Variants in AKR1C8 observed in about 807,000 individuals in gnomAD.
AKR1C8 encodes aldo-keto reductase family 1 member C-like protein 1.
At chr10:5,143,647 T>A in the AKR1C8 span, among the ~76,000 whole-genome samples, 1 of 150,470 alleles carries the variant, frequency 6.6e-6, no homozygotes, top group African/African-American at 2.4e-5. Flanking sequence ...CACATATACA[T>A]GTATATATAA....
At chr10:5,120,422 C>T in the AKR1C8 span, among the ~76,000 whole-genome samples, 6 of 152,106 alleles carry the variant, frequency 3.9e-5, no homozygotes, top group African/African-American at 1.4e-4. Flanking sequence ...AAAGTGATTA[C>T]TGTTTGATTA....
chr10:5,173,620 G>A, the AKR1C8 span, among the ~76,000 whole-genome samples: 2 of 148,896 alleles, frequency 1.3e-5, no homozygotes, highest in Admixed American at 6.8e-5. Context: ...CTAGAAAACC[G>A]AAAAGCCAGA....
At chr10:5,135,558 C>T in the AKR1C8 span, among the ~76,000 whole-genome samples, 17 of 150,832 alleles carry the variant, frequency 1.1e-4, no homozygotes, top group Non-Finnish European at 2.5e-4. Flanking sequence ...ATCTATCTAT[C>T]ATCTATCATC....
chr10:5,125,482 A>T, the AKR1C8 span, among the ~76,000 whole-genome samples: 1 of 152,146 alleles, frequency 6.6e-6, no homozygotes, highest in Non-Finnish European at 1.5e-5. Flanking sequence ...GGGCAACATA[A>T]GGCAAGCTCA....
the AKR1C8 span, among the ~76,000 whole-genome samples, chr10:5,133,928 G>A: frequency 6.6e-6 from 1 of 152,078 alleles, no homozygotes; most frequent in Non-Finnish European, 1.5e-5. Flanking sequence ...TAAAAGATTA[G>A]TAAAGTATAT....
the AKR1C8 span, among the ~76,000 whole-genome samples, chr10:5,116,353 C>A: frequency 6.6e-6 from 1 of 152,022 alleles, no homozygotes; most frequent in South Asian, 2.1e-4. Context: ...ACTAAGATCT[C>A]TAGGCCAGCA....
chr10:5,175,473 T>C, the AKR1C8 span, among the ~76,000 whole-genome samples: 15 of 152,192 alleles, frequency 9.9e-5, no homozygotes, highest in African/African-American at 3.6e-4. Flanking sequence ...TGATTTATAG[T>C]CCTTTGGGTA....
the AKR1C8 span, among the ~76,000 whole-genome samples, chr10:5,169,309 G>A: frequency 6.6e-6 from 1 of 152,136 alleles, no homozygotes; most frequent in Non-Finnish European, 1.5e-5. Flanking sequence ...AAGGACAAAG[G>A]GTAATGTGTT....
chr10:5,137,226 C>T, the AKR1C8 span, among the ~76,000 whole-genome samples: 2 of 152,092 alleles, frequency 1.3e-5, no homozygotes, highest in Non-Finnish European at 2.9e-5. Context: ...ATCTGCAGCT[C>T]CCAGCGTGAT....
chr10:5,138,382 G>A, the AKR1C8 span, among the ~76,000 whole-genome samples: 1 of 152,058 alleles, frequency 6.6e-6, no homozygotes, highest in African/African-American at 2.4e-5. Context: ...TTTATAGGCT[G>A]TTTGCAAAAA....
the AKR1C8 span, among the ~76,000 whole-genome samples, chr10:5,160,359 G>A: frequency 1.6e-4 from 24 of 151,730 alleles, no homozygotes; most frequent in Admixed American, 6.6e-5. Flanking sequence ...AGGGTTTTCT[G>A]CTACCTCTGT....
chr10:5,152,390 A>G, the AKR1C8 span, among the ~76,000 whole-genome samples: 1 of 152,202 alleles, frequency 6.6e-6, no homozygotes, highest in South Asian at 2.1e-4. Flanking sequence ...AAACTGATCT[A>G]TGTGGCTCAG....
the AKR1C8 span, among the ~76,000 whole-genome samples, chr10:5,118,645 A>C: frequency 6.6e-6 from 1 of 152,144 alleles, no homozygotes; most frequent in Non-Finnish European, 1.5e-5. Flanking sequence ...AGGGCGAGAG[A>C]AGCTCATAGA....
the AKR1C8 span, chr10:5,155,584 G>T: frequency 2.8e-6 from 1 of 353,904 alleles, no homozygotes; most frequent in Non-Finnish European, 5.9e-6. Flanking sequence ...CTGAATTTGG[G>T]CCTGTCTTCC....
the AKR1C8 span, among the ~76,000 whole-genome samples, chr10:5,162,234 G>A: frequency 3.3e-5 from 5 of 152,252 alleles, no homozygotes; most frequent in Admixed American, 6.5e-5. Flanking sequence ...CAACTTCAAC[G>A]TATCAAGGAT....
chr10:5,135,559 A>G, the AKR1C8 span, among the ~76,000 whole-genome samples: 1 of 150,854 alleles, frequency 6.6e-6, no homozygotes, highest in Non-Finnish European at 1.5e-5. Context: ...TCTATCTATC[A>G]TCTATCATCT....
At chr10:5,175,958 C>A in the AKR1C8 span, among the ~76,000 whole-genome samples, 2 of 152,044 alleles carry the variant, frequency 1.3e-5, no homozygotes, top group Non-Finnish European at 2.9e-5. Flanking sequence ...GTTTCTTTTG[C>A]TGTGCAAAAG....
chr10:5,176,961 C>T, the AKR1C8 span, among the ~76,000 whole-genome samples: 1 of 152,056 alleles, frequency 6.6e-6, no homozygotes, highest in Non-Finnish European at 1.5e-5. Context: ...CAATTGAATA[C>T]CCTTTATTTC....
chr10:5,118,906 A>G, the AKR1C8 span, among the ~76,000 whole-genome samples: 1 of 149,662 alleles, frequency 6.7e-6, no homozygotes, highest in Non-Finnish European at 1.5e-5. Context: ...TACTATCTCT[A>G]TATGCCAACA....
Sources: allele counts gnomAD v4.1 joint callset (sites outside exome capture counted in the v4.1 genomes callset), GRCh38; gene constraint gnomAD v4.1.1; transcripts MANE v1.5; gene names NCBI Gene and HGNC (gene_info 2026-07-23, HGNC 2026-07-21).